LZIC: variants seen among roughly 807,000 people sequenced by gnomAD.
LZIC encodes protein LZIC.
Under a neutral mutation model 25.4 loss-of-function variants are expected in LZIC, and 28 were observed. The observed-to-expected ratio is 1.10, with a 90% confidence interval of 0.82 to 1.51. LZIC has a LOEUF of 1.51. Among genes scored for constraint, LZIC ranks in the 40% most tolerant of loss-of-function variants. The probability of loss-of-function intolerance (pLI) is 0.00; values close to 1 mark genes in which losing one functional copy is unlikely to be tolerated. For synonymous variants in LZIC, 65 were observed against 70.7 expected, an observed-to-expected ratio of 0.92 and a Z score of 0.40; for missense variants, 170 against 211.1, an observed-to-expected ratio of 0.81 and a Z score of 1.21.
chr1:9,937,384 C>T (rs1640505520), intron 2 of LZIC, among the ~76,000 whole-genome samples: 1 of 148,930 alleles, frequency 6.7e-6, no homozygotes, highest in Non-Finnish European at 1.5e-5. Flanking sequence ...CAGAGCAAGA[C>T]TCAGGCTCAA....
Position 9,931,924 on chromosome 1 carries a change from G to GTA in LZIC, c.479_480dup (p.Leu161TyrfsTer46), listed in dbSNP as rs1640229767. The GTA allele has an allele frequency of 3.7e-6, 6 of 1,613,870 alleles. No individual in the cohort carries two copies. The highest frequency in any genetic ancestry group is 5.1e-6 in the Non-Finnish European group (6 of 1,179,876). ...GTAGAGACTTTCTCAAACTGGCTGAGTATAGCACCTGCATTTGCTGACAAG... is the reference window on the plus strand; with the variant it reads ...GTAGAGACTTTCTCAAACTGGCTGAGTATATAGCACCTGCATTTGCTGACAAG... On this transcript the variant is annotated frameshift_variant, in exon 7 of 8. Coordinates refer to ENST00000377223, the MANE Select transcript of LZIC (RefSeq NM_032368.5). LOFTEE classifies it high-confidence loss of function.
chr1:9,926,402 A>G lies in LZIC; in HGVS notation c.*3997T>C, dbSNP rs1306394119. 6.6e-6 allele frequency among the ~76,000 whole-genome samples: 1 copy of G among 152,182 alleles called. No homozygotes were observed. Among genetic ancestry groups the G allele is most frequent in the East Asian group, 1.9e-4 (1 of 5,196 alleles). Reference sequence around the variant, plus strand: ...GATACCATTTCAGTGGTGGAGTTGCATAGTCTTTTATTTTTCTAAAGATGA... The same window carrying G: ...GATACCATTTCAGTGGTGGAGTTGCGTAGTCTTTTATTTTTCTAAAGATGA... On this transcript the variant is annotated 3_prime_UTR_variant, in exon 8 of 8. Transcript: ENST00000377223.
chr1:9,934,305 A>G (rs1410351402), intron 5 of LZIC, among the ~76,000 whole-genome samples: 2 of 152,190 alleles, frequency 1.3e-5, no homozygotes, highest in African/African-American at 4.8e-5. Context: ...CAGTCTGACC[A>G]AAGTCCATGC....
At chr1:9,932,054 G>C (rs1295518890) in intron 6 of LZIC, 82 bp from the exon 7 acceptor site, 20 of 1,045,184 alleles carry the variant, frequency 1.9e-5, no homozygotes, top group Non-Finnish European at 2.6e-5. Flanking sequence ...GTCTTAGGAG[G>C]CTGGGCACCG....
Position 9,927,678 on chromosome 1 carries a change from C to CTTTTT in LZIC, c.*2716_*2720dup, listed in dbSNP as rs551706607. Among the ~76,000 whole-genome samples, 1 of 106,652 alleles carries CTTTTT rather than the reference C, an allele frequency of 9.4e-6. No homozygotes were observed. The highest frequency in any genetic ancestry group is 1.8e-5 in the Non-Finnish European group (1 of 54,768). The allele number at this position is 106,652 out of a possible 152,430, so 70.0% of individuals were successfully genotyped here. A position where few individuals can be genotyped will look rare whatever the true frequency, so the allele number is the denominator to read the frequency against. ...AGGGTAAGGGAAGAATCTTCTTCCT[C>CTTTTT]TTTTTTTTTTTTTTTTTTTTTTTGA... On this transcript the variant is annotated 3_prime_UTR_variant, in exon 8 of 8. Coordinates refer to ENST00000377223, the MANE Select transcript of LZIC (RefSeq NM_032368.5).
chr1:9,934,361 G>A (rs897767944), intron 5 of LZIC, among the ~76,000 whole-genome samples: 1 of 152,036 alleles, frequency 6.6e-6, no homozygotes. Flanking sequence ...CAAATAATTT[G>A]GTAACTCTTA....
intron 6 of LZIC, 114 bp downstream of exon 6, chr1:9,932,689 A>AC (rs1197958378): frequency 2.1e-5 from 11 of 512,556 alleles, no homozygotes; most frequent in East Asian, 3.9e-5. Flanking sequence ...GTCTCAGAAA[A>AC]AAAAAAAAAA....
At chr1:9,932,767 C>G (rs755738524) in intron 6 of LZIC, 36 bp downstream of exon 6, 3 of 1,166,250 alleles carry the variant, frequency 2.6e-6, no homozygotes, top group Non-Finnish European at 3.8e-6. Flanking sequence ...ATAATTCATA[C>G]TTTTTCTTTG....
intron 7 of LZIC, 112 bp from the exon 8 acceptor site, chr1:9,930,569 G>T: frequency 6.8e-7 from 1 of 1,464,758 alleles, no homozygotes; most frequent in Non-Finnish European, 9.4e-7. Flanking sequence ...AATATAATTA[G>T]CCTCCATTAT....
Position 9,930,450 on chromosome 1 carries a change from T to C in LZIC, c.522A>G (p.Gly174=), listed in dbSNP as rs1640160717. 2 of 1,613,714 alleles carry C rather than the reference T, an allele frequency of 1.2e-6. No individual in the cohort carries two copies. The highest frequency in any genetic ancestry group is 2.2e-5 in the South Asian group (2 of 91,072). ...FEKVSTDLGS[G]DKILALASFE... is the part of the protein sequence containing the mutation. ...AACTTGCCAGAGCAAGAATTTTGTCTCCAGAGCCTAAGAAAAAAGACACAT... is the reference window on the plus strand; with the variant it reads ...AACTTGCCAGAGCAAGAATTTTGTCCCCAGAGCCTAAGAAAAAAGACACAT... Residue 174 remains glycine (G), a synonymous_variant, in exon 8 of 8, where the codon GGA becomes GGG. Coordinates refer to ENST00000377223, the MANE Select transcript of LZIC (RefSeq NM_032368.5).
intron 1 of LZIC, 35 bp from the exon 2 acceptor site, chr1:9,942,817 T>C: frequency 1.6e-6 from 1 of 631,940 alleles, no homozygotes; most frequent in South Asian, 1.5e-5. Flanking sequence ...AGTAATTTTA[T>C]TTGCTATATA....
Position 9,930,318 on chromosome 1 carries a change from C to T in LZIC, c.*81G>A. The T allele has an allele frequency of 1.3e-6, 2 of 1,571,952 alleles. No individual in the cohort carries two copies. On this transcript the variant is annotated 3_prime_UTR_variant, in exon 8 of 8. Coordinates refer to ENST00000377223, the MANE Select transcript of LZIC (RefSeq NM_032368.5). ...ATGCATTTCCAGAATCTCTTCATTT[C>T]TTTGCAATAACTGAAAACCCCAGAA...
At chr1:9,939,715 G>GA (rs1640624127) in intron 2 of LZIC, among the ~76,000 whole-genome samples, 1 of 152,012 alleles carries the variant, frequency 6.6e-6, no homozygotes, top group Non-Finnish European at 1.5e-5. Context: ...CTCGATAACT[G>GA]ATAATGACTT....
chr1:9,941,521 G>A (rs772861636), intron 2 of LZIC, among the ~76,000 whole-genome samples: 275 of 126,318 alleles, frequency 2.2e-3, no homozygotes, highest in South Asian at 6.8e-3. Context: ...TTTTTTTTGA[G>A]ATGGAGTCTC....
intron 4 of LZIC, 26 bp downstream of exon 4, chr1:9,935,459 GTCTGTCC>G: frequency 6.4e-7 from 1 of 1,561,144 alleles, no homozygotes; most frequent in Non-Finnish European, 8.6e-7. Context: ...AAAAAACAAA[GTCTGTCC>G]TCTGTCGCCT....
intron 2 of LZIC, among the ~76,000 whole-genome samples, chr1:9,940,120 A>C (rs1354048537): frequency 6.6e-6 from 1 of 151,322 alleles, no homozygotes; most frequent in Admixed American, 6.6e-5. Flanking sequence ...CTCCTACTCA[A>C]AAAAAAACAA....
intron 4 of LZIC, 40 bp downstream of exon 4, chr1:9,935,452 A>T: frequency 6.4e-7 from 1 of 1,552,612 alleles, no homozygotes; most frequent in Non-Finnish European, 8.7e-7. Flanking sequence ...ACAAACAAAA[A>T]AACAAAGTCT....
rs78428571 is a variant in LZIC, at chr1:9,930,172, G to A, written c.*227C>T. The A allele has an allele frequency of 2.3e-4, 308 of 1,315,168 alleles. 3 individuals carry two copies. In the African/African-American group the frequency reaches 4.3e-3, roughly 18 times the overall value. 81.5% of individuals were successfully genotyped at this position (1,315,168 alleles called of 1,614,324 possible). ...AATCATAACGAACAGAGTCCAGTGA[G>A]TCCCTCTGTCGCAACAAGTTCAGGA... On this transcript the variant is annotated 3_prime_UTR_variant, in exon 8 of 8. Transcript: ENST00000377223.
At chr1:9,925,986 C>T (rs112382930), downstream of LZIC, among the ~76,000 whole-genome samples, 1,308 of 144,362 alleles carry the variant, frequency 9.1e-3, 18 homozygotes, top group African/African-American at 0.03. Context: ...CTCCGCCTCC[C>T]GGGTTCACGC....
Sources: allele counts gnomAD v4.1 joint callset (sites outside exome capture counted in the v4.1 genomes callset), GRCh38; gene constraint gnomAD v4.1.1; transcripts MANE v1.5; gene names NCBI Gene and HGNC (gene_info 2026-07-23, HGNC 2026-07-21).